Variants in RNGTT observed in about 807,000 individuals in gnomAD.
RNGTT encodes RNA guanylyltransferase and 5'-phosphatase, also known as mRNA-capping enzyme.
In RNGTT, 33 loss-of-function variants were observed where a neutral mutation model predicts 79.3. The ratio of observed to expected loss-of-function variants is 0.42; its 90% CI spans 0.32 to 0.56. RNGTT has a LOEUF of 0.56. RNGTT is among the 20% of genes least tolerant of loss of function. The probability of loss-of-function intolerance (pLI) is 0.17; values close to 1 mark genes in which losing one functional copy is unlikely to be tolerated. For missense variants in RNGTT, 497 were observed against 739.1 expected, an observed-to-expected ratio of 0.67 and a Z score of 3.80; for synonymous variants, 222 against 235.9, an observed-to-expected ratio of 0.94 and a Z score of 0.54.
chr6:88,704,153 G>A (rs961051079), intron 13 of RNGTT, among the ~76,000 whole-genome samples: 2 of 150,982 alleles, frequency 1.3e-5, no homozygotes, highest in Admixed American at 1.3e-4. Context: ...CCAGCTACTC[G>A]GGAGGCTGAG....
chr6:88,647,383 T>C (rs1243321019), intron 14 of RNGTT, among the ~76,000 whole-genome samples: 3 of 152,028 alleles, frequency 2.0e-5, no homozygotes, highest in Non-Finnish European at 2.9e-5. Flanking sequence ...CCATCTTCAA[T>C]GGGGAAAAGG....
chr6:88,687,453 C>G (rs1775319022), intron 13 of RNGTT, among the ~76,000 whole-genome samples: 1 of 152,108 alleles, frequency 6.6e-6, no homozygotes, highest in Non-Finnish European at 1.5e-5. Context: ...CCTCCAAAAA[C>G]TAAAAAATAC....
rs183620150 is a variant in RNGTT, at chr6:88,838,117, A to G, written c.1269+6240T>C. Among the ~76,000 whole-genome samples the G allele has an allele frequency of 7.2e-5, 11 of 152,296 alleles. No homozygotes were observed. The East Asian group carries it at 2.1e-3, about 29-fold the overall frequency. On this transcript the variant is annotated intron_variant, in intron 11 of 15. Transcript: ENST00000369485. ...CAGCTTTCAAGTTTAAAACCTAACC[A>G]TGTATAAAAGGCATCTATCCTAGAG...
intron 14 of RNGTT, among the ~76,000 whole-genome samples, chr6:88,633,785 C>T (rs972065957): frequency 2.6e-5 from 4 of 152,234 alleles, no homozygotes; most frequent in African/African-American, 4.8e-5. Flanking sequence ...ATCAACTGCA[C>T]GTTTTTGTTT....
intron 14 of RNGTT, among the ~76,000 whole-genome samples, chr6:88,662,155 C>A (rs184717518): frequency 2.0e-5 from 3 of 152,320 alleles, no homozygotes; most frequent in East Asian, 1.9e-4. Context: ...AGGAAACACA[C>A]CTTTAAGGAA....
At chr6:88,922,654 A>G (rs947121961) in intron 4 of RNGTT, among the ~76,000 whole-genome samples, 3 of 151,976 alleles carry the variant, frequency 2.0e-5, no homozygotes, top group Non-Finnish European at 4.4e-5. Flanking sequence ...CAGCCTCCCA[A>G]GTAGCTGGGA....
chr6:88,699,004 A>G (rs1481886028), intron 13 of RNGTT, among the ~76,000 whole-genome samples: 5 of 152,222 alleles, frequency 3.3e-5, no homozygotes, highest in Admixed American at 3.3e-4. Context: ...ACAATTACAT[A>G]GCTGACTAGG....
chr6:88,873,578 T>C (rs1431907675), intron 8 of RNGTT, among the ~76,000 whole-genome samples: 1 of 152,074 alleles, frequency 6.6e-6, no homozygotes, highest in Non-Finnish European at 1.5e-5. Flanking sequence ...AAAATATATA[T>C]AGACAGAGGG....
intron 14 of RNGTT, among the ~76,000 whole-genome samples, chr6:88,633,834 A>G (rs1472029024): frequency 6.6e-6 from 1 of 152,164 alleles, no homozygotes; most frequent in Non-Finnish European, 1.5e-5. Context: ...GCTGCCACAT[A>G]AAATTAGGAC....
At chr6:88,945,181 G>A (rs74934176) in intron 1 of RNGTT, among the ~76,000 whole-genome samples, 3,411 of 152,188 alleles carry the variant, frequency 0.022, 124 homozygotes, top group African/African-American at 0.077. Context: ...CACTCTATCC[G>A]AAAGGTAGGA....
chr6:88,639,277 C>T (rs1297094282), intron 14 of RNGTT, among the ~76,000 whole-genome samples: 1 of 151,996 alleles, frequency 6.6e-6, no homozygotes, highest in Non-Finnish European at 1.5e-5. Flanking sequence ...ACTTATTTTA[C>T]TATTAAATGG....
intron 6 of RNGTT, among the ~76,000 whole-genome samples, chr6:88,898,686 TTATA>T (rs143238215): frequency 1.3e-5 from 2 of 150,392 alleles, no homozygotes; most frequent in Non-Finnish European, 3.0e-5. Flanking sequence ...TATATATATA[TTATA>T]TATATGTATC....
At chr6:88,916,509 G>A (rs1784004822) in intron 4 of RNGTT, among the ~76,000 whole-genome samples, 1 of 152,096 alleles carries the variant, frequency 6.6e-6, no homozygotes, top group Non-Finnish European at 1.5e-5. Context: ...CAATTTAAAT[G>A]AATGCTGTTT....
intron 13 of RNGTT, among the ~76,000 whole-genome samples, chr6:88,692,009 TAAATAC>T (rs1020471353): frequency 1.2e-4 from 19 of 152,278 alleles, no homozygotes; most frequent in African/African-American, 4.6e-4. Context: ...ATAATGATTT[TAAATAC>T]AAATACATTA....
chr6:88,888,010 T>C (rs1340007467), intron 8 of RNGTT, among the ~76,000 whole-genome samples: 3 of 152,068 alleles, frequency 2.0e-5, no homozygotes, highest in Non-Finnish European at 2.9e-5. Context: ...CCAGCGACTC[T>C]GGAGGCTGAG....
chr6:88,685,730 G>GA (rs1775253166), intron 13 of RNGTT, among the ~76,000 whole-genome samples: 1 of 151,964 alleles, frequency 6.6e-6, no homozygotes, highest in South Asian at 2.1e-4. Context: ...AAAGGTATTT[G>GA]AAAAAACTAA....
intron 14 of RNGTT, among the ~76,000 whole-genome samples, chr6:88,654,614 T>C (rs983573431): frequency 3.4e-5 from 4 of 118,190 alleles, no homozygotes; most frequent in Non-Finnish European, 5.2e-5. Flanking sequence ...CCAGTAACTA[T>C]GAGATCTCAT....
intron 14 of RNGTT, among the ~76,000 whole-genome samples, chr6:88,674,661 T>C (rs779626723): frequency 6.6e-6 from 1 of 151,868 alleles, no homozygotes; most frequent in Admixed American, 6.6e-5. Context: ...CATAAAAATA[T>C]GTCATATAAG....
chr6:88,700,217 A>G (rs904330710), intron 13 of RNGTT, among the ~76,000 whole-genome samples: 2 of 152,154 alleles, frequency 1.3e-5, no homozygotes, highest in African/African-American at 4.8e-5. Flanking sequence ...GCTTGATTCA[A>G]TGCTGAGGTT....
Sources: allele counts gnomAD v4.1 joint callset (sites outside exome capture counted in the v4.1 genomes callset), GRCh38; gene constraint gnomAD v4.1.1; transcripts MANE v1.5; gene names NCBI Gene and HGNC (gene_info 2026-07-23, HGNC 2026-07-21).